DENND4C: variants seen among roughly 807,000 people sequenced by gnomAD.
The protein encoded by DENND4C is DENN domain-containing protein 4C.
In DENND4C, 108 loss-of-function variants were observed where a neutral mutation model predicts 203.0. That is an observed-to-expected ratio of 0.53 (90% CI 0.46 to 0.62). DENND4C has a LOEUF of 0.62. DENND4C is among the 20% of genes least tolerant of loss of function. The pLI, the probability that DENND4C is intolerant of heterozygous loss-of-function variation, is 0.00. For synonymous variants in DENND4C, 871 were observed against 792.4 expected (o/e 1.10, Z -1.67); for missense variants, 2,481 against 2,301.2 (o/e 1.08, Z -1.60).
At chr9:19,271,263 A>G (rs1158751707) in intron 1 of DENND4C, among the ~76,000 whole-genome samples, 1 of 147,562 alleles carries the variant, frequency 6.8e-6, no homozygotes, top group South Asian at 2.1e-4. Flanking sequence ...GCAGTGGCGC[A>G]ATCCTGGCTC....
chr9:19,324,559 G>A (rs771967062), intron 13 of DENND4C, 52 bp downstream of exon 13: 1 of 1,540,676 alleles, frequency 6.5e-7, no homozygotes, highest in Non-Finnish European at 8.8e-7. Flanking sequence ...TGCCTTACCT[G>A]TGTAATTATC....
At chr9:19,301,323 C>A (rs549934915) in intron 9 of DENND4C, among the ~76,000 whole-genome samples, 2 of 152,198 alleles carry the variant, frequency 1.3e-5, no homozygotes, top group African/African-American at 4.8e-5. Context: ...CTCTTCCCTT[C>A]CCCATTTTAA....
chr9:19,248,532 G>A (rs1044390048), intron 1 of DENND4C, among the ~76,000 whole-genome samples: 3 of 152,072 alleles, frequency 2.0e-5, no homozygotes, highest in African/African-American at 4.8e-5. Context: ...TGGGATTACA[G>A]GCATGCGCCG....
intron 1 of DENND4C, among the ~76,000 whole-genome samples, chr9:19,253,770 A>T (rs577523871): frequency 1.3e-5 from 2 of 152,064 alleles, no homozygotes. Flanking sequence ...GACCTAACCC[A>T]GTGCATTTAG....
At chr9:19,359,603 A>G (rs1305363546) in intron 28 of DENND4C, among the ~76,000 whole-genome samples, 2 of 151,762 alleles carry the variant, frequency 1.3e-5, no homozygotes, top group Non-Finnish European at 2.9e-5. Context: ...CTGTTTCTCT[A>G]AGAAACTGTG....
intron 12 of DENND4C, among the ~76,000 whole-genome samples, chr9:19,319,381 C>CATATATATATACACACAT (rs1842461044): frequency 1.5e-5 from 2 of 135,300 alleles, no homozygotes; most frequent in African/African-American, 6.0e-5. Context: ...TATACACATA[C>CATATATATATACACACAT]ATATATATAT....
intron 2 of DENND4C, among the ~76,000 whole-genome samples, chr9:19,282,545 C>T (rs1253772335): frequency 1.2e-3 from 162 of 131,466 alleles, no homozygotes; most frequent in Non-Finnish European, 2.0e-3. Context: ...TGTGCCACCA[C>T]GCCTGGCAAA....
intron 9 of DENND4C, among the ~76,000 whole-genome samples, chr9:19,304,047 T>TAAA (rs1563782312): frequency 6.8e-6 from 1 of 146,098 alleles, no homozygotes; most frequent in African/African-American, 2.7e-5. Flanking sequence ...CCTGTCTTTT[T>TAAA]TAAAAAAAAA....
chr9:19,326,245 T>C, intron 15 of DENND4C, 51 bp downstream of exon 15: 1 of 1,547,022 alleles, frequency 6.5e-7, no homozygotes, highest in Non-Finnish European at 8.7e-7. Context: ...CAGTTTCTTT[T>C]AATTTTTATT....
In DENND4C at chr9:19,346,276, T is replaced by C; in HGVS notation, c.3507T>C (p.Asn1169=). ...SRTCMSESTW[N]PEHRSSPVPE... is the part of the protein sequence containing the mutation. ...CTTGTATGTCTGAAAGCACTTGGAA[T>C]CCTGAGCACAGATCATCTCCGGTGC... is the stretch of plus-strand genomic sequence containing the variant. Residue 1169 remains asparagine (N), a synonymous_variant, in exon 23 of 33, where the codon AAT becomes AAC. Transcript: ENST00000434457. The C allele has an allele frequency of 1.2e-6, 2 of 1,614,178 alleles. No individual in the cohort carries two copies. Among genetic ancestry groups the C allele is most frequent in the Non-Finnish European group, 1.7e-6 (2 of 1,180,048 alleles).
At chr9:19,319,359 TACAC>T (rs1563799088) in intron 12 of DENND4C, among the ~76,000 whole-genome samples, 5 of 139,640 alleles carry the variant, frequency 3.6e-5, no homozygotes, top group African/African-American at 1.4e-4. Flanking sequence ...TACTTATATA[TACAC>T]ACATATATAT....
At chr9:19,267,611 A>G (rs1387760624) in intron 1 of DENND4C, among the ~76,000 whole-genome samples, 2 of 151,948 alleles carry the variant, frequency 1.3e-5, no homozygotes. Flanking sequence ...ATCACGGATT[A>G]CTGTGACCTG....
chr9:19,234,780 G>T (rs150877261), intron 1 of DENND4C, among the ~76,000 whole-genome samples: 1 of 151,102 alleles, frequency 6.6e-6, no homozygotes, highest in African/African-American at 2.4e-5. Context: ...AAGTTCAAGC[G>T]ATCCACCCAT....
intron 2 of DENND4C, 99 bp from the exon 3 acceptor site, chr9:19,286,670 A>G (rs1034489637): frequency 2.6e-6 from 3 of 1,135,352 alleles, no homozygotes; most frequent in African/African-American, 3.2e-5. Context: ...TTCAAGAAGA[A>G]AACCAGCATT....
At chr9:19,310,144 T>A (rs1406041373) in intron 10 of DENND4C, among the ~76,000 whole-genome samples, 2 of 152,204 alleles carry the variant, frequency 1.3e-5, no homozygotes, top group Non-Finnish European at 2.9e-5. Flanking sequence ...AGCAACTTAG[T>A]TGAATTCCTT....
At chr9:19,337,510 T>G (rs1041667706) in intron 20 of DENND4C, 4 of 670,308 alleles carry the variant, frequency 6.0e-6, no homozygotes, top group Non-Finnish European at 7.8e-6. Context: ...GACTGAAGTT[T>G]CCTTTTCTCT....
intron 26 of DENND4C, among the ~76,000 whole-genome samples, chr9:19,353,473 A>C (rs558530872): frequency 6.6e-6 from 1 of 152,038 alleles, no homozygotes; most frequent in African/African-American, 2.4e-5. Flanking sequence ...ACTAAAATAC[A>C]AAAGATTAGC....
chr9:19,235,533 A>G (rs1821725476), intron 1 of DENND4C, among the ~76,000 whole-genome samples: 1 of 149,202 alleles, frequency 6.7e-6, no homozygotes, highest in African/African-American at 2.4e-5. Context: ...AAATGTTTTG[A>G]AGTGTTCTTT....
chr9:19,274,291 A>G lies in DENND4C; in HGVS notation c.-17-1867A>G, dbSNP rs902773173. Reference sequence around the variant, plus strand: ...CAAGAAAATTTTGATGTTGATGGATATGTTTCTTTCTTTTTTTTTTTGAGA... The same window carrying G: ...CAAGAAAATTTTGATGTTGATGGATGTGTTTCTTTCTTTTTTTTTTTGAGA... On this transcript the variant is annotated intron_variant, in intron 1 of 32. Coordinates refer to ENST00000434457, the MANE Select transcript of DENND4C (RefSeq NM_001330640.2). Among the ~76,000 whole-genome samples the G allele has an allele frequency of 1.4e-4, 22 of 151,778 alleles. 2 individuals carry two copies. The highest frequency in any genetic ancestry group is 4.6e-4 in the Admixed American group (7 of 15,254).
Sources: allele counts gnomAD v4.1 joint callset (sites outside exome capture counted in the v4.1 genomes callset), GRCh38; gene constraint gnomAD v4.1.1; transcripts MANE v1.5; gene names NCBI Gene and HGNC (gene_info 2026-07-23, HGNC 2026-07-21).